NPHP4: variants seen among roughly 807,000 people sequenced by gnomAD.
The protein encoded by NPHP4 is nephrocystin 4.
Under a neutral mutation model 155.8 loss-of-function variants are expected in NPHP4, and 151 were observed. The ratio of observed to expected loss-of-function variants is 0.97; its 90% CI spans 0.85 to 1.11. NPHP4 has a LOEUF of 1.11. Ranked by LOEUF, NPHP4 falls within the 50% of genes least tolerant of loss-of-function variation. The pLI, the probability that NPHP4 is intolerant of heterozygous loss-of-function variation, is 0.00. For missense variants in NPHP4, 1,956 were observed against 1,925.7 expected, an observed-to-expected ratio of 1.02 and a Z score of -0.29; for synonymous variants, 845 against 816.8, an observed-to-expected ratio of 1.03 and a Z score of -0.59.
At chr1:5,940,301 C>T (rs572986006) in intron 9 of NPHP4, among the ~76,000 whole-genome samples, 2 of 152,208 alleles carry the variant, frequency 1.3e-5, no homozygotes, top group African/African-American at 4.8e-5. Flanking sequence ...TGCCCTTTCG[C>T]TAGGGAGTGA....
intron 11 of NPHP4, among the ~76,000 whole-genome samples, chr1:5,926,031 T>C (rs560193313): frequency 3.9e-5 from 6 of 152,196 alleles, no homozygotes; most frequent in Non-Finnish European, 8.8e-5. Context: ...AAATTCATTC[T>C]AAACCGACTC....
At chr1:5,866,322 T>G in intron 26 of NPHP4, 51 bp downstream of exon 26, 4 of 1,222,538 alleles carry the variant, frequency 3.3e-6, no homozygotes, top group Non-Finnish European at 4.8e-6. Context: ...CAGGCCTGCC[T>G]CCTCCTCTCC....
chr1:5,888,886 C>T (rs11122097), intron 17 of NPHP4, among the ~76,000 whole-genome samples: 17,954 of 152,188 alleles, frequency 0.12, 1,363 homozygotes, highest in Non-Finnish European at 0.17. Flanking sequence ...ATTCTACTTC[C>T]GGGAACATGT....
intron 11 of NPHP4, among the ~76,000 whole-genome samples, chr1:5,925,837 G>A (rs1397009306): frequency 1.3e-5 from 2 of 152,128 alleles, no homozygotes; most frequent in East Asian, 1.9e-4. Flanking sequence ...GAACGGTCTC[G>A]ATCTCCTGAC....
intron 9 of NPHP4, among the ~76,000 whole-genome samples, chr1:5,937,441 G>A (rs1646601503): frequency 6.6e-6 from 1 of 152,240 alleles, no homozygotes; most frequent in South Asian, 2.1e-4. Flanking sequence ...AACTTACTTA[G>A]ACGAAGGTGA....
chr1:5,890,845 C>T lies in NPHP4; in HGVS notation c.2304+23G>A, dbSNP rs746404782. On this transcript the variant is annotated intron_variant, in intron 17 of 29. Coordinates refer to ENST00000378156, the MANE Select transcript of NPHP4 (RefSeq NM_015102.5). The surrounding 1 kb of genome is among the most constrained non-coding windows in gnomAD (Gnocchi z 4.9). ...ATGAGGGACGCAGCACCCACTGTGCCTGTCCTTCCAGAGAGCCGCTACCTT... is the reference window on the plus strand; with the variant it reads ...ATGAGGGACGCAGCACCCACTGTGCTTGTCCTTCCAGAGAGCCGCTACCTT... 1 of 1,601,172 alleles carries T rather than the reference C, an allele frequency of 6.2e-7. No homozygotes were observed. Among genetic ancestry groups the T allele is most frequent in the Non-Finnish European group, 8.5e-7 (1 of 1,171,788 alleles).
At position 5,867,862 on chromosome 1, in the gene NPHP4, G is replaced by T. The variant is rs763127320; in HGVS notation, c.3350C>A (p.Ala1117Asp). 3.1e-6 allele frequency: 5 copies of T among 1,613,962 alleles called. No individual in the cohort carries two copies. ...LFRASGGKPI[A>D]VLCLTVELQP... ...CAGCTCCACAGTCAGGCAGAGCACG[G>T]CGATGGGCTTGCCACCACTCGCTCG... Residue 1117 changes from alanine (A) to aspartate (D), a missense_variant, in exon 24 of 30, where the codon GCC becomes GAC. Coordinates refer to ENST00000378156, the MANE Select transcript of NPHP4 (RefSeq NM_015102.5). The surrounding 1 kb of genome is among the most constrained non-coding windows in gnomAD (Gnocchi z 4.1).
At chr1:5,897,621 C>T (rs1340527065) in intron 16 of NPHP4, among the ~76,000 whole-genome samples, 2 of 152,144 alleles carry the variant, frequency 1.3e-5, no homozygotes, top group Non-Finnish European at 1.5e-5. Context: ...CAAGACAGCT[C>T]ACTTGGTCTC....
chr1:5,907,193 C>T lies in NPHP4; in HGVS notation c.1533G>A (p.Pro511=), dbSNP rs775251652. Residue 511 remains proline, a synonymous_variant, in exon 13 of 30, where the codon CCG becomes CCA. Coordinates refer to ENST00000378156, the MANE Select transcript of NPHP4 (RefSeq NM_015102.5). ...CCAAGCAGTGCTGAGTCGGGGACCG[C>T]GGGGAGGCCGCCAGCTGGGAAATTG... ...GLSISQLAAS[P]RSPTQHCLAR... 45 of 1,584,662 alleles carry T rather than the reference C, an allele frequency of 2.8e-5. No homozygotes were observed. The highest frequency in any genetic ancestry group is 1.7e-4 in the Middle Eastern group (1 of 6,018).
At chr1:5,985,224 C>T (rs568018546) in intron 2 of NPHP4, among the ~76,000 whole-genome samples, 10 of 152,366 alleles carry the variant, frequency 6.6e-5, no homozygotes, top group Middle Eastern at 3.4e-3. Context: ...CAGAGGAAAA[C>T]GGCCTTGCCA....
intron 16 of NPHP4, among the ~76,000 whole-genome samples, chr1:5,894,673 G>C (rs140426318): frequency 6.6e-6 from 1 of 151,348 alleles, no homozygotes; most frequent in Non-Finnish European, 1.5e-5. Context: ...TAAGATAAAT[G>C]AATTAAGCAG....
In NPHP4 at chr1:5,905,216, C is replaced by T; in HGVS notation, c.1955+76G>A. 8.2e-7 allele frequency: 1 copy of T among 1,216,466 alleles called. No homozygotes were observed. Among genetic ancestry groups the T allele is most frequent in the Non-Finnish European group, 1.2e-6 (1 of 818,944 alleles). The allele number at this position is 1,216,466 out of a possible 1,614,324, so 75.4% of individuals were successfully genotyped here. On this transcript the variant is annotated intron_variant, in intron 15 of 29. Transcript: ENST00000378156. The surrounding 1 kb of genome is among the most constrained non-coding windows in gnomAD (Gnocchi z 4.0). Reference sequence around the variant, plus strand: ...CTCAGCACAGACAGTTCTGCCAGGTCAGAACCTCAGCGAAGTTTCTCTTCA... The same window carrying T: ...CTCAGCACAGACAGTTCTGCCAGGTTAGAACCTCAGCGAAGTTTCTCTTCA...
intron 3 of NPHP4, among the ~76,000 whole-genome samples, chr1:5,969,787 C>A (rs565243184): frequency 9.9e-5 from 15 of 152,180 alleles, no homozygotes; most frequent in Non-Finnish European, 1.9e-4. Flanking sequence ...CTGCTTCGTG[C>A]GTAACCATTT....
At chr1:5,917,974 C>T (rs1400498731) in intron 11 of NPHP4, among the ~76,000 whole-genome samples, 3 of 152,198 alleles carry the variant, frequency 2.0e-5, no homozygotes, top group Admixed American at 6.5e-5. Context: ...GGGACCAGGA[C>T]GAGCAGAGCC....
intron 11 of NPHP4, among the ~76,000 whole-genome samples, chr1:5,912,699 T>G (rs543257316): frequency 6.6e-6 from 1 of 152,308 alleles, no homozygotes; most frequent in Admixed American, 6.5e-5. Context: ...AAATGTTAGT[T>G]TAACAGTCAT....
intron 6 of NPHP4, among the ~76,000 whole-genome samples, chr1:5,961,294 C>T (rs1650271062): frequency 6.6e-6 from 1 of 152,056 alleles, no homozygotes; most frequent in African/African-American, 2.4e-5. Context: ...GAGCTTCAGC[C>T]GGGGAAGAGG....
intron 12 of NPHP4, among the ~76,000 whole-genome samples, chr1:5,907,619 C>G (rs1289698228): frequency 1.3e-5 from 2 of 152,236 alleles, no homozygotes; most frequent in African/African-American, 4.8e-5. Context: ...GAACAAACCT[C>G]CCTGTTAAGG....
intron 10 of NPHP4, among the ~76,000 whole-genome samples, chr1:5,928,361 A>G (rs1646118056): frequency 6.6e-6 from 1 of 152,264 alleles, no homozygotes; most frequent in Non-Finnish European, 1.5e-5. Flanking sequence ...AAGACTGAGG[A>G]GATTCATCCA....
intron 5 of NPHP4, among the ~76,000 whole-genome samples, chr1:5,965,107 A>G (rs985770018): frequency 1.3e-5 from 2 of 150,690 alleles, no homozygotes; most frequent in African/African-American, 2.4e-5. Context: ...TAATGTTTGT[A>G]TTTTTTGTAG....
Sources: allele counts gnomAD v4.1 joint callset (sites outside exome capture counted in the v4.1 genomes callset), GRCh38; gene constraint gnomAD v4.1.1; non-coding constraint Gnocchi (gnomAD v3.1); transcripts MANE v1.5; gene names NCBI Gene and HGNC (gene_info 2026-07-23, HGNC 2026-07-21).